UHRF2: variants seen among roughly 807,000 people sequenced by gnomAD.
UHRF2 encodes the protein E3 ubiquitin-protein ligase UHRF2.
Under a neutral mutation model 96.8 loss-of-function variants are expected in UHRF2, and 23 were observed. The observed-to-expected ratio is 0.24, with a 90% CI of 0.17 to 0.34. The LOEUF is 0.34. UHRF2 is among the 10% of genes least tolerant of loss of function. The pLI is 1.00. For synonymous variants in UHRF2, 385 were observed against 332.6 expected (o/e 1.16, Z -1.72); for missense variants, 685 against 981.5 (o/e 0.70, Z 4.04).
intron 4 of UHRF2, chr9:6,468,534 C>A (rs928017290): frequency 2.2e-6 from 1 of 455,962 alleles, no homozygotes; most frequent in Non-Finnish European, 4.4e-6. Context: ...CCTAGGGAAT[C>A]TGCTAATTCT....
chr9:6,454,381 A>G (rs1001916495), intron 3 of UHRF2, among the ~76,000 whole-genome samples: 1 of 152,246 alleles, frequency 6.6e-6, no homozygotes, highest in African/African-American at 2.4e-5. Context: ...TGAGGCTGGC[A>G]GGGACATTTA....
At chr9:6,495,942 T>C (rs1824941036) in intron 10 of UHRF2, 1 of 152,054 alleles carries the variant, frequency 6.6e-6, no homozygotes, top group Admixed American at 6.6e-5. Flanking sequence ...AGCCCTAGAG[T>C]TGATGGCTGT....
chr9:6,439,536 A>G (rs1821036560), intron 3 of UHRF2, among the ~76,000 whole-genome samples: 1 of 152,250 alleles, frequency 6.6e-6, no homozygotes, highest in Non-Finnish European at 1.5e-5. Context: ...TTATGCAGAT[A>G]GTGCAAAGCA....
intron 9 of UHRF2, among the ~76,000 whole-genome samples, chr9:6,487,829 C>CT (rs1040201570): frequency 5.9e-5 from 9 of 152,180 alleles, no homozygotes; most frequent in Non-Finnish European, 1.0e-4. Context: ...GGTCATTCTT[C>CT]TTTAAGTTTT....
rs1245425341 is a variant in UHRF2, at chr9:6,499,961, A to G, written c.2005+30A>G. 3 of 1,482,926 alleles carry G rather than the reference A, an allele frequency of 2.0e-6. No homozygotes were observed. In the Admixed American group the frequency reaches 5.3e-5, roughly 26 times the overall value. The allele number at this position is 1,482,926 out of a possible 1,614,324, so 91.9% of individuals were successfully genotyped here. A position where few individuals can be genotyped will look rare whatever the true frequency, so the allele number is the denominator to read the frequency against. On this transcript the variant is annotated intron_variant, in intron 13 of 15. Coordinates refer to ENST00000276893, the MANE Select transcript of UHRF2 (RefSeq NM_152896.3). ...GTAATGATTGCAAAATATAAATAAT[A>G]ATAACATACTTTTGTTGTTGTTGTT...
intron 3 of UHRF2, among the ~76,000 whole-genome samples, chr9:6,443,930 G>A (rs1324053185): frequency 1.3e-5 from 2 of 152,178 alleles, no homozygotes; most frequent in Non-Finnish European, 2.9e-5. Context: ...ATTTTGAGTA[G>A]CCTTAATTGT....
chr9:6,480,199 C>G (rs528563186), intron 6 of UHRF2, among the ~76,000 whole-genome samples: 1 of 152,276 alleles, frequency 6.6e-6, no homozygotes, highest in South Asian at 2.1e-4. Flanking sequence ...TTAACTGTTT[C>G]TTTGCCAGGA....
chr9:6,460,127 A>G lies in UHRF2; in HGVS notation c.645-446A>G, dbSNP rs141501608. Among the ~76,000 whole-genome samples the G allele has an allele frequency of 2.6e-5, 4 of 152,386 alleles. No individual in the cohort carries two copies. In the East Asian group the frequency reaches 7.7e-4, roughly 29 times the overall value. On this transcript the variant is annotated intron_variant, in intron 3 of 15. Transcript: ENST00000276893. ...CTCTGGGAAGTCAAATCATGAGTGT[A>G]TATCATTTAAGTGCCATTACAAATA...
intron 5 of UHRF2, 39 bp from the exon 6 acceptor site, chr9:6,477,583 G>A (rs1823661284): frequency 6.5e-7 from 1 of 1,527,900 alleles, no homozygotes. Context: ...TATAAAAAAT[G>A]TTTTAAGACT....
At chr9:6,468,462 G>T (rs1432315709) in intron 4 of UHRF2, 1 of 456,048 alleles carries the variant, frequency 2.2e-6, no homozygotes, top group Non-Finnish European at 4.4e-6. Flanking sequence ...AACCAACTGC[G>T]GGTATGTCTC....
chr9:6,460,236 A>G (rs942066455), intron 3 of UHRF2, among the ~76,000 whole-genome samples: 23 of 152,314 alleles, frequency 1.5e-4, no homozygotes, highest in African/African-American at 5.1e-4. Context: ...TTCTAGAAAA[A>G]TTGTATATAG....
intron 1 of UHRF2, among the ~76,000 whole-genome samples, chr9:6,420,089 C>G (rs1454295948): frequency 6.6e-6 from 1 of 151,474 alleles, no homozygotes; most frequent in Admixed American, 6.6e-5. Context: ...GACAGTCTCC[C>G]TCTGTTGCCC....
intron 9 of UHRF2, among the ~76,000 whole-genome samples, chr9:6,488,366 A>C: frequency 6.7e-6 from 1 of 149,214 alleles, no homozygotes; most frequent in East Asian, 2.0e-4. Flanking sequence ...CATCTTGCAA[A>C]ACTATATAGT....
chr9:6,426,852 G>A (rs1406750981), intron 2 of UHRF2, among the ~76,000 whole-genome samples: 1 of 152,136 alleles, frequency 6.6e-6, no homozygotes, highest in Non-Finnish European at 1.5e-5. Flanking sequence ...GGGTTCAAGC[G>A]ATTCTACTGC....
intron 1 of UHRF2, chr9:6,415,167 T>A (rs1819522380): frequency 1.3e-5 from 2 of 152,210 alleles, no homozygotes; most frequent in Admixed American, 6.5e-5. Flanking sequence ...ATCTTTATTA[T>A]CAAATATGCT....
chr9:6,491,400 C>T (rs951850652), intron 9 of UHRF2, among the ~76,000 whole-genome samples: 1 of 152,310 alleles, frequency 6.6e-6, no homozygotes, highest in East Asian at 1.9e-4. Flanking sequence ...CACCACCTAA[C>T]CCACCAGTAG....
At chr9:6,488,174 T>G (rs184649461) in intron 9 of UHRF2, among the ~76,000 whole-genome samples, 1 of 144,216 alleles carries the variant, frequency 6.9e-6, no homozygotes, top group East Asian at 2.0e-4. Flanking sequence ...GCTCAGGAGG[T>G]CGAGGCTGTA....
intron 10 of UHRF2, chr9:6,494,241 A>G (rs545996147): frequency 3.8e-6 from 1 of 263,452 alleles, no homozygotes; most frequent in East Asian, 7.8e-5. Flanking sequence ...CTTGTCTACT[A>G]CTCCATTGGT....
intron 2 of UHRF2, among the ~76,000 whole-genome samples, chr9:6,424,051 A>G (rs1231175036): frequency 2.0e-5 from 3 of 152,248 alleles, no homozygotes; most frequent in African/African-American, 4.8e-5. Flanking sequence ...AAGACGAGCT[A>G]GACAAGGAAG....
Sources: allele counts gnomAD v4.1 joint callset (sites outside exome capture counted in the v4.1 genomes callset), GRCh38; gene constraint gnomAD v4.1.1; transcripts MANE v1.5; gene names NCBI Gene and HGNC (gene_info 2026-07-23, HGNC 2026-07-21).